Variants in CCNY observed in about 807,000 individuals in gnomAD.
CCNY encodes the protein cyclin Y.
Under a neutral mutation model 42.8 loss-of-function variants are expected in CCNY, and 19 were observed. The observed-to-expected ratio is 0.44, with a 90% CI of 0.31 to 0.65. CCNY has a LOEUF of 0.65. CCNY is among the 30% of genes least tolerant of loss of function. The pLI, the probability that CCNY is intolerant of heterozygous loss-of-function variation, is 0.07. For synonymous variants in CCNY, 165 were observed against 162.7 expected, an observed-to-expected ratio of 1.01 and a Z score of -0.11; for missense variants, 370 against 437.3, an observed-to-expected ratio of 0.85 and a Z score of 1.37.
intron 8 of CCNY, among the ~76,000 whole-genome samples, chr10:35,560,479 A>G (rs1841444586): frequency 6.6e-6 from 1 of 152,192 alleles, no homozygotes; most frequent in Non-Finnish European, 1.5e-5. Context: ...CAGAAGGATG[A>G]GCATGTGAGA....
intron 1 of CCNY, among the ~76,000 whole-genome samples, chr10:35,479,530 C>G (rs1839610084): frequency 1.5e-5 from 2 of 132,886 alleles, no homozygotes; most frequent in South Asian, 4.7e-4. Flanking sequence ...ACCGCATATT[C>G]TCACTCATAG....
At chr10:35,339,043 A>G (rs956654693) in intron 1 of CCNY, among the ~76,000 whole-genome samples, 3 of 152,212 alleles carry the variant, frequency 2.0e-5, no homozygotes, top group Non-Finnish European at 4.4e-5. Context: ...CAGATTCAGG[A>G]TAGTTTGAGA....
chr10:35,562,626 ATGTTGTAG>A (rs1841488693), intron 8 of CCNY, among the ~76,000 whole-genome samples: 1 of 152,102 alleles, frequency 6.6e-6, no homozygotes, highest in African/African-American at 2.4e-5. Flanking sequence ...GGGTTGATCC[ATGTTGTAG>A]TGTGTCTGAA....
upstream of CCNY, chr10:35,335,801 C>T (rs1469658660): frequency 6.6e-6 from 1 of 152,252 alleles, no homozygotes; most frequent in Non-Finnish European, 1.5e-5. Context: ...CACACATACA[C>T]ACCCTACCTT....
At chr10:35,517,726 G>A (rs575867494) in intron 4 of CCNY, among the ~76,000 whole-genome samples, 2 of 152,206 alleles carry the variant, frequency 1.3e-5, no homozygotes, top group Non-Finnish European at 2.9e-5. Flanking sequence ...TACTTCCTCA[G>A]CACCGGAGTG....
At chr10:35,529,069 G>T (rs979522360) in intron 5 of CCNY, among the ~76,000 whole-genome samples, 1 of 152,280 alleles carries the variant, frequency 6.6e-6, no homozygotes, top group East Asian at 1.9e-4. Context: ...AGAGCCCAGC[G>T]GCCCACGGTA....
At chr10:35,404,189 C>G (rs1370500544) in intron 1 of CCNY, among the ~76,000 whole-genome samples, 2 of 152,148 alleles carry the variant, frequency 1.3e-5, no homozygotes, top group Non-Finnish European at 2.9e-5. Flanking sequence ...TTGAGGGCCT[C>G]TAAAAGTATT....
intron 3 of CCNY, among the ~76,000 whole-genome samples, chr10:35,319,382 AAAACAAAC>A (rs375462688): frequency 7.9e-5 from 12 of 152,292 alleles, no homozygotes; most frequent in South Asian, 4.1e-4. Context: ...AACCTATCTC[AAAACAAAC>A]AAACAAACAA....
chr10:35,470,339 G>T (rs1839366856), intron 1 of CCNY, among the ~76,000 whole-genome samples: 1 of 152,170 alleles, frequency 6.6e-6, no homozygotes. Context: ...ACAGGGAGAT[G>T]GAGGGACAGA....
chr10:35,249,628 T>C (rs2135019021), intron 2 of CCNY, among the ~76,000 whole-genome samples: 2 of 152,310 alleles, frequency 1.3e-5, no homozygotes, highest in Middle Eastern at 3.4e-3. Flanking sequence ...GCAGAAAGTG[T>C]GGTTTAGGAT....
intron 1 of CCNY, among the ~76,000 whole-genome samples, chr10:35,399,983 G>A (rs1837609575): frequency 6.6e-6 from 1 of 152,140 alleles, no homozygotes. Context: ...GGCTAGGTAT[G>A]TTCTCCAGTT....
intron 3 of CCNY, among the ~76,000 whole-genome samples, chr10:35,311,510 C>T (rs1835683001): frequency 6.6e-6 from 1 of 151,882 alleles, no homozygotes; most frequent in South Asian, 2.1e-4. Context: ...GACCCTGTCT[C>T]TCCAAAAAAT....
rs150500452 is a variant in CCNY at position 35,392,663 on chromosome 10, G to T, written c.154+55456G>T. ...CCCACTGGTTGAAAGCAGAGGAGAGGGTCAGCTGGGGAGCTGGGCCTTGAA... is the reference window on the plus strand; with the variant it reads ...CCCACTGGTTGAAAGCAGAGGAGAGTGTCAGCTGGGGAGCTGGGCCTTGAA... On this transcript the variant is annotated intron_variant, in intron 1 of 9. Transcript: ENST00000374704. Among the ~76,000 whole-genome samples the T allele has an allele frequency of 4.3e-3, 651 of 152,174 alleles. 2 individuals are homozygous for T. Among genetic ancestry groups the T allele is most frequent in the African/African-American group, 0.015 (629 of 41,496 alleles).
chr10:35,272,083 T>A (rs1835177379), intron 3 of CCNY, among the ~76,000 whole-genome samples: 1 of 152,106 alleles, frequency 6.6e-6, no homozygotes, highest in Non-Finnish European at 1.5e-5. Flanking sequence ...GCCTGCCAGG[T>A]TCAAGTGATT....
chr10:35,404,580 TATTG>T (rs1301791236), intron 1 of CCNY, among the ~76,000 whole-genome samples: 2 of 152,046 alleles, frequency 1.3e-5, no homozygotes, highest in Non-Finnish European at 2.9e-5. Flanking sequence ...GTAGTCTCCT[TATTG>T]ATTAAGAAGG....
chr10:35,358,415 A>T (rs186503098), intron 1 of CCNY, among the ~76,000 whole-genome samples: 19 of 152,326 alleles, frequency 1.2e-4, no homozygotes, highest in Admixed American at 6.5e-5. Flanking sequence ...AGAGTTATGT[A>T]TCTGCTCTCA....
chr10:35,485,732 A>C (rs975828989), intron 2 of CCNY, among the ~76,000 whole-genome samples: 7 of 148,902 alleles, frequency 4.7e-5, no homozygotes, highest in African/African-American at 1.3e-4. Flanking sequence ...CTCAAAAAAA[A>C]AAAAAAACAA....
chr10:35,371,961 G>A (rs1836946595), intron 1 of CCNY, among the ~76,000 whole-genome samples: 1 of 152,204 alleles, frequency 6.6e-6, no homozygotes. Flanking sequence ...GATTTCAATG[G>A]GAACAGAAGC....
At chr10:35,480,530 G>C (rs1356797797) in intron 1 of CCNY, among the ~76,000 whole-genome samples, 1 of 152,190 alleles carries the variant, frequency 6.6e-6, no homozygotes, top group Admixed American at 6.5e-5. Context: ...TCATCTTGGT[G>C]ACTCTGTGTG....
Sources: allele counts gnomAD v4.1 joint callset (sites outside exome capture counted in the v4.1 genomes callset), GRCh38; gene constraint gnomAD v4.1.1; transcripts MANE v1.5; gene names NCBI Gene and HGNC (gene_info 2026-07-23, HGNC 2026-07-21).